STPG2: variants seen among roughly 807,000 people sequenced by gnomAD.
The protein encoded by STPG2 is sperm-tail PG-rich repeat-containing protein 2.
Under a neutral mutation model 54.2 loss-of-function variants are expected in STPG2, and 56 were observed. That is an observed-to-expected ratio of 1.03 (90% CI 0.83 to 1.29). STPG2 has a LOEUF of 1.29. Among genes scored for constraint, STPG2 ranks in the 50% most tolerant of loss-of-function variants. The pLI is 0.00. For synonymous variants in STPG2, 200 were observed against 181.8 expected (o/e 1.10, Z -0.81); for missense variants, 596 against 544.9 (o/e 1.09, Z -0.93).
intron 8 of STPG2, among the ~76,000 whole-genome samples, chr4:97,877,721 G>A (rs1299835253): frequency 6.6e-6 from 1 of 152,074 alleles, no homozygotes; most frequent in Non-Finnish European, 1.5e-5. Flanking sequence ...GGATTTGTGT[G>A]GGGACACAGC....
intron 8 of STPG2, among the ~76,000 whole-genome samples, chr4:97,895,052 T>C (rs1420534679): frequency 6.6e-6 from 1 of 151,876 alleles, no homozygotes; most frequent in Non-Finnish European, 1.5e-5. Flanking sequence ...GAATACTGTG[T>C]TTATTTCAAG....
intron 10 of STPG2, among the ~76,000 whole-genome samples, chr4:97,624,541 T>C (rs766864229): frequency 1.3e-5 from 2 of 152,208 alleles, no homozygotes; most frequent in Non-Finnish European, 2.9e-5. Flanking sequence ...GTCAGGTGGA[T>C]AGGTTGCAAA....
chr4:97,710,182 G>A (rs1192939216), intron 10 of STPG2, among the ~76,000 whole-genome samples: 2 of 151,816 alleles, frequency 1.3e-5, no homozygotes, highest in African/African-American at 4.8e-5. Flanking sequence ...AAAGGTCAAT[G>A]ATAGTAATCC....
At chr4:97,561,802 C>G (rs1420760671) in intron 10 of STPG2, among the ~76,000 whole-genome samples, 1 of 152,136 alleles carries the variant, frequency 6.6e-6, no homozygotes, top group Non-Finnish European at 1.5e-5. Context: ...TGATCTATAT[C>G]TCTGTTTTGG....
intron 8 of STPG2, among the ~76,000 whole-genome samples, chr4:97,861,230 A>G (rs922697863): frequency 3.3e-5 from 5 of 152,214 alleles, no homozygotes; most frequent in South Asian, 2.1e-4. Flanking sequence ...ACAAATAGAC[A>G]TATGAAAAAA....
chr4:97,737,820 A>G (rs1186088379), intron 9 of STPG2, among the ~76,000 whole-genome samples: 1 of 152,244 alleles, frequency 6.6e-6, no homozygotes, highest in Non-Finnish European at 1.5e-5. Context: ...TCCCCAATCT[A>G]GCAAGGCAGG....
intron 10 of STPG2, among the ~76,000 whole-genome samples, chr4:97,686,456 A>G (rs1209357385): frequency 1.3e-5 from 2 of 152,044 alleles, no homozygotes; most frequent in Non-Finnish European, 2.9e-5. Flanking sequence ...AACACCTTTC[A>G]GTTTGTTTTT....
chr4:97,690,748 T>C (rs1723338185), intron 10 of STPG2, among the ~76,000 whole-genome samples: 1 of 151,932 alleles, frequency 6.6e-6, no homozygotes, highest in Non-Finnish European at 1.5e-5. Context: ...TCTTTCAACT[T>C]CCTCTAAAGC....
intron 5 of STPG2, among the ~76,000 whole-genome samples, chr4:98,095,051 G>A (rs1446635046): frequency 1.3e-5 from 2 of 152,088 alleles, no homozygotes; most frequent in Non-Finnish European, 2.9e-5. Context: ...GAATTAAAGT[G>A]TAGTGCTTTT....
chr4:97,618,239 G>A (rs1436429530), intron 10 of STPG2, among the ~76,000 whole-genome samples: 3 of 151,988 alleles, frequency 2.0e-5, no homozygotes, highest in African/African-American at 7.2e-5. Flanking sequence ...GCGCCTTTTT[G>A]GGAAGCTTCC....
chr4:97,961,471 C>A (rs1278625879), intron 7 of STPG2, among the ~76,000 whole-genome samples: 1 of 152,154 alleles, frequency 6.6e-6, no homozygotes, highest in Non-Finnish European at 1.5e-5. Flanking sequence ...TGACAAAGGA[C>A]TAATATCCAG....
intron 8 of STPG2, among the ~76,000 whole-genome samples, chr4:97,914,255 A>T (rs563183839): frequency 3.3e-5 from 5 of 152,118 alleles, no homozygotes; most frequent in Non-Finnish European, 7.4e-5. Context: ...TAAGGTAAAC[A>T]CAACTAATCT....
At chr4:97,625,886 G>A (rs1734126409) in intron 10 of STPG2, among the ~76,000 whole-genome samples, 1 of 152,164 alleles carries the variant, frequency 6.6e-6, no homozygotes, top group African/African-American at 2.4e-5. Flanking sequence ...ATTAGATACT[G>A]TTATCCAAAT....
chr4:98,132,948 T>TAAAAAAAAAAAAAAAAAAAAAAAAAAAAA (rs200375140), intron 2 of STPG2, among the ~76,000 whole-genome samples: 1 of 101,582 alleles, frequency 9.8e-6, no homozygotes, highest in Non-Finnish European at 2.1e-5. Context: ...TGAAATGAAC[T>TAAAAAAAAAAAAAAAAAAAAAAAAAAAAA]AAAAAAAAAA....
At chr4:97,836,387 G>A (rs1728633308) in intron 9 of STPG2, among the ~76,000 whole-genome samples, 1 of 151,870 alleles carries the variant, frequency 6.6e-6, no homozygotes, top group African/African-American at 2.4e-5. Flanking sequence ...TAGCAATTCA[G>A]TATTTTTAAT....
At chr4:97,856,292 A>G (rs1002011418) in intron 8 of STPG2, among the ~76,000 whole-genome samples, 62 of 152,300 alleles carry the variant, frequency 4.1e-4, no homozygotes, top group Non-Finnish European at 7.1e-4. Context: ...ATTCTTATCC[A>G]TGAGCATAGA....
intron 9 of STPG2, among the ~76,000 whole-genome samples, chr4:97,775,730 T>C (rs926193992): frequency 6.6e-6 from 1 of 152,180 alleles, no homozygotes; most frequent in Non-Finnish European, 1.5e-5. Context: ...GACTTTAAAA[T>C]TGCTAGTGGG....
At position 97,873,042 on chromosome 4, in the gene STPG2, A is replaced by G. The variant is rs57349643; in HGVS notation, c.1045-32110T>C. Among the ~76,000 whole-genome samples the G allele has an allele frequency of 1.4e-3, 210 of 151,500 alleles. 4 individuals carry two copies. In the East Asian group the frequency reaches 0.039, roughly 28 times the overall value. ...TGTTCATTGCTACTGGGACCCTTTCAGCACACAGAGCTAGGAAAAAATAAT... is the reference window on the plus strand; with the variant it reads ...TGTTCATTGCTACTGGGACCCTTTCGGCACACAGAGCTAGGAAAAAATAAT... On this transcript the variant is annotated intron_variant, in intron 8 of 10. Transcript: ENST00000295268.
At chr4:98,113,916 G>A (rs1292163977) in intron 3 of STPG2, among the ~76,000 whole-genome samples, 2 of 151,968 alleles carry the variant, frequency 1.3e-5, no homozygotes, top group African/African-American at 4.8e-5. Context: ...GGGTGTAGGG[G>A]GGCAGAGACA....
Sources: gnomAD v4.1 joint callset for allele counts (sites outside exome capture counted in the v4.1 genomes callset) on GRCh38, gnomAD v4.1.1 for gene constraint, MANE v1.5 for transcripts, NCBI Gene and HGNC (gene_info 2026-07-23, HGNC 2026-07-21) for gene names.